Variants in PRSS23 observed in about 807,000 individuals in gnomAD.
PRSS23 encodes protease, serine 23.
PRSS23 carries 25 observed loss-of-function variants against 34.7 expected under a neutral mutation model. The ratio of observed to expected loss-of-function variants is 0.72; its 90% confidence interval spans 0.53 to 1.01. The LOEUF (loss-of-function observed/expected upper bound fraction) is 1.01. PRSS23 is among the 50% of genes least tolerant of loss of function. The probability of loss-of-function intolerance (pLI) is 0.00; values close to 1 mark genes in which losing one functional copy is unlikely to be tolerated. For synonymous variants in PRSS23, 176 were observed against 186.6 expected (o/e 0.94, Z 0.46); for missense variants, 445 against 475.6 (o/e 0.94, Z 0.60).
intron 2 of PRSS23, among the ~76,000 whole-genome samples, chr11:86,854,076 C>T (rs148121103): frequency 0.017 from 2,657 of 152,316 alleles, 41 homozygotes; most frequent in Non-Finnish European, 0.025. Flanking sequence ...TCTCGGCTCA[C>T]TGCAAGCTCC....
intron 2 of PRSS23, among the ~76,000 whole-genome samples, chr11:86,853,384 G>C (rs1382938240): frequency 6.7e-6 from 1 of 150,006 alleles, no homozygotes; most frequent in Non-Finnish European, 1.5e-5. Flanking sequence ...CTCCGGAGTA[G>C]CTGTGACTAC....
chr11:86,834,003 C>G (rs1948382442), intron 2 of PRSS23, among the ~76,000 whole-genome samples: 1 of 152,146 alleles, frequency 6.6e-6, no homozygotes, highest in Non-Finnish European at 1.5e-5. Context: ...AGATCTTAGT[C>G]ATGGACTGCA....
chr11:86,866,393 G>C (rs985967185), intron 2 of PRSS23, among the ~76,000 whole-genome samples: 1 of 152,168 alleles, frequency 6.6e-6, no homozygotes, highest in Admixed American at 6.5e-5. Flanking sequence ...AGTGCATGCA[G>C]GGTAAAATGA....
At chr11:86,811,686 G>A (rs1255129283), downstream of PRSS23, among the ~76,000 whole-genome samples, 3 of 152,122 alleles carry the variant, frequency 2.0e-5, no homozygotes, top group Admixed American at 6.5e-5. Context: ...TGTTCTTTGT[G>A]TAGCTCAGTC....
At chr11:86,890,270 C>CAA (rs555153865) in intron 2 of PRSS23, among the ~76,000 whole-genome samples, 19 of 143,194 alleles carry the variant, frequency 1.3e-4, no homozygotes, top group South Asian at 8.8e-4. Flanking sequence ...ATTCCATCTC[C>CAA]AAAAAAAAAA....
At chr11:86,908,833 G>A (rs936847088) in intron 2 of PRSS23, among the ~76,000 whole-genome samples, 1 of 151,920 alleles carries the variant, frequency 6.6e-6, no homozygotes, top group African/African-American at 2.4e-5. Context: ...GCCCACTCAA[G>A]CAGCAGCAAT....
chr11:86,879,351 C>T (rs9687341), intron 2 of PRSS23, among the ~76,000 whole-genome samples: 5,269 of 150,526 alleles, frequency 0.035, 128 homozygotes, highest in Middle Eastern at 0.09. Context: ...GCCTGGCAAC[C>T]GCCCCATATG....
chr11:86,831,936 G>A (rs1301688781), intron 2 of PRSS23, among the ~76,000 whole-genome samples: 1 of 151,846 alleles, frequency 6.6e-6, no homozygotes, highest in Non-Finnish European at 1.5e-5. Flanking sequence ...TCATGTTCCA[G>A]TGTGTGTACA....
intron 1 of PRSS23, among the ~76,000 whole-genome samples, chr11:86,801,616 ATT>A (rs568562877): frequency 4.7e-4 from 71 of 152,322 alleles, no homozygotes; most frequent in African/African-American, 1.7e-3. Context: ...AAAGAATTGA[ATT>A]TATAGATGAG....
chr11:86,877,871 AG>A (rs1228726369), intron 2 of PRSS23, among the ~76,000 whole-genome samples: 4 of 144,158 alleles, frequency 2.8e-5, no homozygotes, highest in African/African-American at 1.0e-4. Context: ...AAAAAAAAAG[AG>A]GTGGGGTGGG....
chr11:86,832,476 T>C, intron 2 of PRSS23: 1 of 213,360 alleles, frequency 4.7e-6, no homozygotes, highest in South Asian at 7.4e-5. Flanking sequence ...TTGCTGCCTT[T>C]TTTAACCCAC....
At chr11:86,913,317 A>G (rs1232656489) in intron 2 of PRSS23, among the ~76,000 whole-genome samples, 2 of 146,918 alleles carry the variant, frequency 1.4e-5, no homozygotes, top group Non-Finnish European at 3.0e-5. Flanking sequence ...TATTTCACAC[A>G]TGATAGTCTT....
chr11:86,925,018 C>G (rs556323389), intron 2 of PRSS23: 1 of 152,230 alleles, frequency 6.6e-6, no homozygotes, highest in African/African-American at 2.4e-5. Context: ...TAGCACAAGC[C>G]GCCAAGCTAC....
chr11:86,844,278 G>C lies in PRSS23; in HGVS notation c.206+20685G>C, dbSNP rs113504001. 2.1e-3 allele frequency among the ~76,000 whole-genome samples: 324 copies of C among 152,256 alleles called. 4 individuals are homozygous for C. Among genetic ancestry groups the C allele is most frequent in the African/African-American group, 7.3e-3 (305 of 41,544 alleles). On this transcript the variant is annotated intron_variant, in intron 2 of 2. Coordinates refer to the PRSS23 transcript ENST00000533902. ...GGCCTGTCAGGGGGTAGGCAGCTGGGAGAGGGATAGCATTAGGAGAAATAC... is the reference window on the plus strand; with the variant it reads ...GGCCTGTCAGGGGGTAGGCAGCTGGCAGAGGGATAGCATTAGGAGAAATAC...
intron 2 of PRSS23, chr11:86,837,542 G>A (rs1304759836): frequency 6.6e-6 from 1 of 152,256 alleles, no homozygotes; most frequent in Admixed American, 6.5e-5. Flanking sequence ...GCTGAGGTGG[G>A]TGGATCACAA....
At chr11:86,873,752 C>A (rs1948704283) in intron 2 of PRSS23, among the ~76,000 whole-genome samples, 1 of 152,116 alleles carries the variant, frequency 6.6e-6, no homozygotes, top group Admixed American at 6.5e-5. Context: ...TTTTGACAAC[C>A]ATGTTCCACT....
At chr11:86,847,130 G>A (rs1948492266) in intron 2 of PRSS23, among the ~76,000 whole-genome samples, 1 of 151,640 alleles carries the variant, frequency 6.6e-6, no homozygotes, top group African/African-American at 2.4e-5. Flanking sequence ...CTCTTTTGAT[G>A]GCAAGTGGGG....
At chr11:86,951,488 T>A (rs952974198) in exon 3 of PRSS23, 2 of 1,614,146 alleles carry the variant, frequency 1.2e-6, no homozygotes, top group Non-Finnish European at 1.7e-6. Flanking sequence ...CTTTGTCCCA[T>A]CCTTTTGAAG....
intron 2 of PRSS23, among the ~76,000 whole-genome samples, chr11:86,844,588 A>T (rs1256824104): frequency 6.6e-6 from 1 of 152,164 alleles, no homozygotes; most frequent in Non-Finnish European, 1.5e-5. Context: ...AATAAGGTTT[A>T]CCTGCCCCCA....
Sources: allele counts gnomAD v4.1 joint callset (sites outside exome capture counted in the v4.1 genomes callset), GRCh38; gene constraint gnomAD v4.1.1; transcripts MANE v1.5; gene names NCBI Gene and HGNC (gene_info 2026-07-23, HGNC 2026-07-21).